Variants in ADCY8 observed in about 807,000 individuals in gnomAD.
The protein encoded by ADCY8 is adenylate cyclase 8.
ADCY8 carries 51 observed loss-of-function variants against 119.7 expected under a neutral mutation model. That is an observed-to-expected ratio of 0.43 (90% CI 0.34 to 0.54). ADCY8 has a LOEUF of 0.54. Ranked by LOEUF, ADCY8 falls within the 20% of genes least tolerant of loss-of-function variation. The probability of loss-of-function intolerance (pLI) is 0.03; values close to 1 mark genes in which losing one functional copy is unlikely to be tolerated. For synonymous variants in ADCY8, 665 were observed against 651.0 expected, an observed-to-expected ratio of 1.02 and a Z score of -0.33; for missense variants, 1,383 against 1,598.8, an observed-to-expected ratio of 0.87 and a Z score of 2.30.
In ADCY8 at chr8:131,026,380, G is replaced by A. The variant is rs1823824077; in HGVS notation, c.960+12994C>T. On this transcript the variant is annotated intron_variant, in intron 1 of 17. Coordinates refer to ENST00000286355, the MANE Select transcript of ADCY8 (RefSeq NM_001115.3). ...GCCTCCAGAACTATGAGAAATAAATGTTTTTTTTTGTTTGTTTGTTACAAG... is the reference window on the plus strand; with the variant it reads ...GCCTCCAGAACTATGAGAAATAAATATTTTTTTTTGTTTGTTTGTTACAAG... Among the ~76,000 whole-genome samples the A allele has an allele frequency of 3.3e-5, 5 of 151,210 alleles. 1 individual carries two copies. The South Asian group carries it at 1.0e-3, about 32-fold the overall frequency.
At chr8:130,885,765 G>C (rs765369999) in intron 7 of ADCY8, among the ~76,000 whole-genome samples, 1 of 152,180 alleles carries the variant, frequency 6.6e-6, no homozygotes, top group East Asian at 1.9e-4. Flanking sequence ...AGGATGCCAC[G>C]CATCTGTAGA....
rs1196570121 is a variant in ADCY8 at position 131,039,881 on chromosome 8, C to A, written c.453G>T (p.Gly151=). Residue 151 remains glycine (G), a synonymous_variant, in exon 1 of 18, where the codon GGG becomes GGT. Coordinates refer to ENST00000286355, the MANE Select transcript of ADCY8 (RefSeq NM_001115.3). ...FFLNGGYSYR[G]VIFPTLRNSF... ...AGTTGCGCAGGGTGGGGAAAATGACCCCTCGGTAGCTATAGCCCCCATTAA... is the reference window on the plus strand; with the variant it reads ...AGTTGCGCAGGGTGGGGAAAATGACACCTCGGTAGCTATAGCCCCCATTAA... 6.2e-7 allele frequency: 1 copy of A among 1,613,988 alleles called. No individual in the cohort carries two copies. The highest frequency in any genetic ancestry group is 8.5e-7 in the Non-Finnish European group (1 of 1,179,912).
At chr8:130,990,665 G>A (rs777304449) in intron 1 of ADCY8, 123 bp from the exon 2 acceptor site, 60 of 1,274,508 alleles carry the variant, frequency 4.7e-5, no homozygotes, top group Middle Eastern at 2.8e-4. Flanking sequence ...ATGTTTAATC[G>A]CATGTTTGTA....
chr8:130,989,363 G>A (rs1306306318), intron 2 of ADCY8, among the ~76,000 whole-genome samples: 1 of 151,890 alleles, frequency 6.6e-6, no homozygotes, highest in African/African-American at 2.4e-5. Flanking sequence ...CTGACTTCCT[G>A]GTGATTTGAT....
chr8:130,921,992 A>T (rs929854012), intron 5 of ADCY8, among the ~76,000 whole-genome samples: 1 of 151,948 alleles, frequency 6.6e-6, no homozygotes, highest in African/African-American at 2.4e-5. Flanking sequence ...GGGTTAATGG[A>T]TTAGTGGGTT....
At chr8:130,927,242 C>T (rs1820499448) in intron 5 of ADCY8, among the ~76,000 whole-genome samples, 1 of 152,142 alleles carries the variant, frequency 6.6e-6, no homozygotes, top group African/African-American at 2.4e-5. Context: ...CCACCACCTC[C>T]TGGTCAATAC....
chr8:130,901,023 A>G (rs10107328), intron 7 of ADCY8, among the ~76,000 whole-genome samples: 2,761 of 152,312 alleles, frequency 0.018, 46 homozygotes, highest in South Asian at 0.043. Context: ...CAAAAAATCT[A>G]GAATTCAAAC....
chr8:130,843,717 A>G (rs554856775), intron 11 of ADCY8, among the ~76,000 whole-genome samples: 1 of 152,318 alleles, frequency 6.6e-6, no homozygotes, highest in South Asian at 2.1e-4. Context: ...ATATTTTAAA[A>G]CATAGATTGT....
chr8:130,992,399 A>ATATATATATATATT (rs1822615236), intron 1 of ADCY8, among the ~76,000 whole-genome samples: 1 of 30,208 alleles, frequency 3.3e-5, no homozygotes, highest in African/African-American at 1.4e-4. Context: ...ATATATATAT[A>ATATATATATATATT]TATATATATA....
chr8:130,897,454 G>C (rs948989303), intron 7 of ADCY8, among the ~76,000 whole-genome samples: 3 of 151,758 alleles, frequency 2.0e-5, no homozygotes, highest in African/African-American at 7.3e-5. Flanking sequence ...ATTGTTGTTT[G>C]TTTGTTTTTA....
chr8:130,795,082 G>A (rs1815538099), intron 15 of ADCY8, among the ~76,000 whole-genome samples: 2 of 152,120 alleles, frequency 1.3e-5, no homozygotes, highest in African/African-American at 4.8e-5. Context: ...AAACCCCACA[G>A]TATACAAAGC....
At chr8:130,783,862 C>A in intron 16 of ADCY8, 57 bp from the exon 17 acceptor site, 1 of 1,400,404 alleles carries the variant, frequency 7.1e-7, no homozygotes, top group South Asian at 1.2e-5. Context: ...GGAACATTAA[C>A]ATTTCTGCAG....
At chr8:130,960,213 T>C (rs375867796) in intron 2 of ADCY8, among the ~76,000 whole-genome samples, 36 of 152,182 alleles carry the variant, frequency 2.4e-4, no homozygotes, top group Middle Eastern at 3.4e-3. Flanking sequence ...CCTGGGTTTC[T>C]GGACTTGTAA....
At chr8:130,857,810 C>G (rs1021138426) in intron 9 of ADCY8, among the ~76,000 whole-genome samples, 1 of 152,158 alleles carries the variant, frequency 6.6e-6, no homozygotes, top group African/African-American at 2.4e-5. Context: ...ATATTTCCCT[C>G]ACTTACTATT....
chr8:130,913,170 A>G (rs1820030168), intron 5 of ADCY8, among the ~76,000 whole-genome samples: 1 of 152,186 alleles, frequency 6.6e-6, no homozygotes, highest in South Asian at 2.1e-4. Context: ...CATTCCCTCA[A>G]GCATTTATCC....
At chr8:131,017,201 C>G (rs945905686) in intron 1 of ADCY8, among the ~76,000 whole-genome samples, 6 of 152,082 alleles carry the variant, frequency 3.9e-5, no homozygotes, top group African/African-American at 1.4e-4. Flanking sequence ...TCCCTAGTAG[C>G]TGGGACTACA....
intron 1 of ADCY8, among the ~76,000 whole-genome samples, chr8:130,996,994 T>C (rs1206202376): frequency 6.6e-6 from 1 of 152,184 alleles, no homozygotes; most frequent in African/African-American, 2.4e-5. Context: ...GGAATATTCA[T>C]TGTAGCTTTA....
chr8:130,913,641 A>G lies in ADCY8; in HGVS notation c.1482-3775T>C, dbSNP rs534233892. 4.0e-5 allele frequency among the ~76,000 whole-genome samples: 6 copies of G among 149,952 alleles called. No individual in the cohort carries two copies. In the South Asian group the frequency reaches 1.2e-3, roughly 31 times the overall value. ...CCTTGAATCAGGATAAAATGTTATG[A>G]TATCCTGCTATCACACCCCCCTCCT... On this transcript the variant is annotated intron_variant, in intron 5 of 17. Transcript: ENST00000286355.
At chr8:130,936,175 A>C (rs1820781834) in intron 5 of ADCY8, among the ~76,000 whole-genome samples, 1 of 151,880 alleles carries the variant, frequency 6.6e-6, no homozygotes, top group African/African-American at 2.4e-5. Flanking sequence ...TGACACTTAG[A>C]GGCTCTGCAA....
Sources: gnomAD v4.1 joint callset for allele counts (sites outside exome capture counted in the v4.1 genomes callset) on GRCh38, gnomAD v4.1.1 for gene constraint, MANE v1.5 for transcripts, NCBI Gene and HGNC (gene_info 2026-07-23, HGNC 2026-07-21) for gene names.